The following ZNF695 variants were observed in gnomAD, a reference collection of about 807,000 sequenced individuals.
ZNF695 encodes the protein zinc finger protein SBZF3.
In ZNF695, 11 loss-of-function variants were observed where a neutral mutation model predicts 11.2. The ratio of observed to expected loss-of-function variants is 0.98; its 90% CI spans 0.62 to 1.62. ZNF695 has a LOEUF of 1.62. ZNF695 is among the 40% of genes most tolerant of loss of function. The pLI is 0.00. For missense variants in ZNF695, 559 were observed against 590.5 expected, an observed-to-expected ratio of 0.95 and a Z score of 0.55; for synonymous variants, 190 against 201.4, an observed-to-expected ratio of 0.94 and a Z score of 0.48.
chr1:246,950,898 T>G (rs1383298852), intron 5 of ZNF695, among the ~76,000 whole-genome samples: 1 of 152,148 alleles, frequency 6.6e-6, no homozygotes, highest in Non-Finnish European at 1.5e-5. Flanking sequence ...ACAGTAGCTA[T>G]TCTTATGACC....
intron 4 of ZNF695, among the ~76,000 whole-genome samples, chr1:246,970,506 A>G (rs1668398688): frequency 6.6e-6 from 1 of 152,206 alleles, no homozygotes; most frequent in African/African-American, 2.4e-5. Flanking sequence ...AAGCTATGTA[A>G]AGAGAGCTCC....
chr1:246,969,042 TA>T (rs1181216077), intron 4 of ZNF695: 1 of 152,250 alleles, frequency 6.6e-6, no homozygotes, highest in Non-Finnish European at 1.5e-5. Context: ...GGCTCCTCTT[TA>T]CTTACACAAA....
intron 5 of ZNF695, among the ~76,000 whole-genome samples, chr1:246,963,935 T>C (rs1379545210): frequency 1.3e-5 from 2 of 152,144 alleles, no homozygotes; most frequent in Non-Finnish European, 2.9e-5. Flanking sequence ...TACACTGGAG[T>C]TCCCATGGTG....
chr1:246,947,240 C>T (rs556218634), intron 5 of ZNF695, among the ~76,000 whole-genome samples: 24 of 146,320 alleles, frequency 1.6e-4, no homozygotes, highest in Non-Finnish European at 3.1e-4. Flanking sequence ...CCCTTTGTCG[C>T]CCAGGCTGGA....
chr1:246,995,268 A>T (rs1247740719), intron 3 of ZNF695, among the ~76,000 whole-genome samples: 1 of 152,226 alleles, frequency 6.6e-6, no homozygotes, highest in Non-Finnish European at 1.5e-5. Flanking sequence ...AGTAACAGAA[A>T]GAAAACTGAA....
intron 5 of ZNF695, among the ~76,000 whole-genome samples, chr1:246,958,810 C>T (rs781712572): frequency 3.9e-5 from 6 of 152,098 alleles, no homozygotes; most frequent in Non-Finnish European, 8.8e-5. Flanking sequence ...TGTTATGCAG[C>T]CATAGTAACA....
chr1:247,001,397 G>GT (rs1348562431), intron 1 of ZNF695, among the ~76,000 whole-genome samples: 1 of 149,630 alleles, frequency 6.7e-6, no homozygotes, highest in African/African-American at 2.5e-5. Flanking sequence ...CCCTGTCTCT[G>GT]TTTTAAAAAA....
At chr1:246,969,827 TA>T (rs908116465) in intron 4 of ZNF695, 2 of 152,050 alleles carry the variant, frequency 1.3e-5, no homozygotes, top group Admixed American at 1.3e-4. Flanking sequence ...AGAGAGAGCA[TA>T]GGGGGAAGTG....
At chr1:246,948,295 A>G (rs1667789311) in intron 5 of ZNF695, among the ~76,000 whole-genome samples, 1 of 152,106 alleles carries the variant, frequency 6.6e-6, no homozygotes, top group African/African-American at 2.4e-5. Flanking sequence ...GCTGGTCTTG[A>G]ACTCCTGACC....
chr1:246,986,737 A>C lies in ZNF695; in HGVS notation c.*230T>G. 1 of 1,225,172 alleles carries C rather than the reference A, an allele frequency of 8.2e-7. No homozygotes were observed. Among genetic ancestry groups the C allele is most frequent in the Non-Finnish European group, 1.0e-6 (1 of 982,208 alleles). 75.9% of individuals were successfully genotyped at this position (1,225,172 alleles called of 1,614,324 possible). Reference sequence around the variant, plus strand: ...AACTGGAGGGTTTCCCTCCAGTATAAATTCTTCTGTGTACAGTAAGAGCTG... The same window carrying C: ...AACTGGAGGGTTTCCCTCCAGTATACATTCTTCTGTGTACAGTAAGAGCTG... On this transcript the variant is annotated 3_prime_UTR_variant, in exon 4 of 4. Coordinates refer to ENST00000339986, the MANE Select transcript of ZNF695 (RefSeq NM_020394.5).
At chr1:246,977,543 C>T (rs1371345810) in intron 4 of ZNF695, among the ~76,000 whole-genome samples, 3 of 152,238 alleles carry the variant, frequency 2.0e-5, no homozygotes, top group Non-Finnish European at 2.9e-5. Context: ...TGAGCCACCA[C>T]ACCCGGCAAA....
At chr1:246,967,609 C>G in intron 5 of ZNF695, 1 of 385,972 alleles carries the variant, frequency 2.6e-6, no homozygotes, top group Non-Finnish European at 5.2e-6. Flanking sequence ...TTGACCTGGC[C>G]TTGTGTATTA....
intron 4 of ZNF695, among the ~76,000 whole-genome samples, chr1:246,976,655 A>T (rs113050097): frequency 1.3e-5 from 2 of 151,264 alleles, no homozygotes; most frequent in East Asian, 3.9e-4. Context: ...TTAGCCAGGC[A>T]TGGTGGCGGG....
rs180733755 is a variant in ZNF695, at chr1:246,945,726, T to G, written c.*71A>C. The G allele has an allele frequency of 1.7e-4, 252 of 1,516,004 alleles. 1 individual carries two copies. The African/African-American group carries it at 2.9e-3, about 18-fold the overall frequency. The allele number at this position is 1,516,004 out of a possible 1,614,324, so 93.9% of individuals were successfully genotyped here. On this transcript the variant is annotated 3_prime_UTR_variant, in exon 6 of 6. Transcript: ENST00000487338. ...CTCGGGCTGACGCAGCTGGACCCGGTGTAAATTCGCCTCACGGAGCAGGGA... is the reference window on the plus strand; with the variant it reads ...CTCGGGCTGACGCAGCTGGACCCGGGGTAAATTCGCCTCACGGAGCAGGGA...
At chr1:246,991,398 A>C (rs1669028890) in intron 3 of ZNF695, among the ~76,000 whole-genome samples, 1 of 152,182 alleles carries the variant, frequency 6.6e-6, no homozygotes, top group African/African-American at 2.4e-5. Flanking sequence ...AACAACCACA[A>C]GTTATAAGGA....
At position 246,999,418 on chromosome 1, in the gene ZNF695, T is replaced by C. The variant is rs1425596674; in HGVS notation, c.189A>G (p.Glu63=). 6.2e-7 allele frequency: 1 copy of C among 1,613,926 alleles called. No homozygotes were observed. The highest frequency in any genetic ancestry group is 8.5e-7 in the Non-Finnish European group (1 of 1,179,978). Residue 63 remains glutamate, a synonymous_variant, in exon 3 of 4, where the codon GAA becomes GAG. Coordinates refer to ENST00000339986, the MANE Select transcript of ZNF695 (RefSeq NM_020394.5). ...LFHSLAMSKP[E]LIICLEARKE... ...TCCTTGCCTCCAGACAGATGATCAG[T>C]TCTGGCTTAGACATAGCAAGACCTG...
At chr1:246,970,189 C>T (rs577416160) in intron 4 of ZNF695, among the ~76,000 whole-genome samples, 17 of 152,256 alleles carry the variant, frequency 1.1e-4, no homozygotes, top group East Asian at 1.9e-4. Context: ...ACTTCTGTTC[C>T]GACAGTGAAA....
intron 3 of ZNF695, among the ~76,000 whole-genome samples, chr1:246,994,267 G>A (rs1239023969): frequency 1.3e-5 from 2 of 152,104 alleles, no homozygotes; most frequent in Non-Finnish European, 2.9e-5. Context: ...GTGGCCAGAC[G>A]CAGTGGCTCA....
chr1:246,984,015 G>T (rs981110214), downstream of ZNF695, among the ~76,000 whole-genome samples: 1 of 151,460 alleles, frequency 6.6e-6, no homozygotes, highest in Non-Finnish European at 1.5e-5. Context: ...AGCTAGGAGT[G>T]GGGGTGCACA....
Sources: gnomAD v4.1 joint callset for allele counts (sites outside exome capture counted in the v4.1 genomes callset) on GRCh38, gnomAD v4.1.1 for gene constraint, MANE v1.5 for transcripts, NCBI Gene and HGNC (gene_info 2026-07-23, HGNC 2026-07-21) for gene names.